Variants in TMEM117 observed in about 807,000 individuals in gnomAD.
TMEM117 encodes the protein transmembrane protein 117.
In TMEM117, 27 loss-of-function variants were observed where a neutral mutation model predicts 52.4. That is an observed-to-expected ratio of 0.51 (90% CI 0.38 to 0.71). The LOEUF is 0.71. Among genes scored for constraint, TMEM117 ranks in the 30% least tolerant of loss-of-function variants. TMEM117 has a pLI of 0.00. For missense variants in TMEM117, 556 were observed against 630.5 expected (o/e 0.88, Z 1.26); for synonymous variants, 215 against 206.3 (o/e 1.04, Z -0.36).
chr12:44,017,077 T>C (rs137979371), intron 3 of TMEM117, among the ~76,000 whole-genome samples: 2 of 152,224 alleles, frequency 1.3e-5, no homozygotes, highest in East Asian at 3.9e-4. Flanking sequence ...ACCAAGGAGA[T>C]GGGAAAGGTA....
intron 6 of TMEM117, among the ~76,000 whole-genome samples, chr12:44,302,387 G>A (rs1950852078): frequency 6.6e-6 from 1 of 152,116 alleles, no homozygotes; most frequent in Admixed American, 6.5e-5. Context: ...TTGCTGCTGG[G>A]CATTTGCCCA....
chr12:44,287,712 G>A (rs924355470), intron 5 of TMEM117, among the ~76,000 whole-genome samples: 2 of 152,214 alleles, frequency 1.3e-5, no homozygotes, highest in Admixed American at 1.3e-4. Flanking sequence ...GAAAGGCATT[G>A]CAGTGCAGTG....
At chr12:43,853,952 A>G (rs1327572765) in intron 2 of TMEM117, among the ~76,000 whole-genome samples, 2 of 152,174 alleles carry the variant, frequency 1.3e-5, no homozygotes, top group Admixed American at 6.5e-5. Context: ...GATGGAGACA[A>G]CTCAGCTTTT....
intron 3 of TMEM117, 93 bp from the exon 4 acceptor site, chr12:44,143,432 T>C: frequency 1.2e-6 from 1 of 843,266 alleles, no homozygotes; most frequent in Non-Finnish European, 1.8e-6. Context: ...TTGCTGAGAA[T>C]GGGAGAAGTC....
chr12:43,899,633 T>C (rs1251579815), intron 2 of TMEM117, among the ~76,000 whole-genome samples: 1 of 54,786 alleles, frequency 1.8e-5, no homozygotes, highest in Non-Finnish European at 7.9e-5. Flanking sequence ...TTCCCTAAAT[T>C]TTTATTTTTT....
At position 44,353,177 on chromosome 12, in the gene TMEM117, T is replaced by C. The variant is rs561187159; in HGVS notation, c.769-23418T>C. Among the ~76,000 whole-genome samples, 14 of 152,292 alleles carry C rather than the reference T, an allele frequency of 9.2e-5. No individual in the cohort carries two copies. The South Asian group carries it at 2.9e-3, about 32-fold the overall frequency. On this transcript the variant is annotated intron_variant, in intron 6 of 7. Transcript: ENST00000266534. The stretch of plus-strand genomic sequence containing the variant: ...TTTCTTGTAAATTTGTTTGAGTTCA[T>C]TGTAGATTCTGGATATTAGCCCTTT...
intron 3 of TMEM117, among the ~76,000 whole-genome samples, chr12:44,127,914 G>C (rs917436532): frequency 6.6e-6 from 1 of 152,184 alleles, no homozygotes; most frequent in African/African-American, 2.4e-5. Context: ...ATGTCTGTCT[G>C]TCTGTCTATC....
At chr12:43,855,423 A>G (rs1432584200) in intron 2 of TMEM117, among the ~76,000 whole-genome samples, 1 of 152,146 alleles carries the variant, frequency 6.6e-6, no homozygotes, top group Non-Finnish European at 1.5e-5. Context: ...GCTTACCCCA[A>G]GATAGCCAGC....
In TMEM117 at chr12:44,179,904, G is replaced by A. The variant is rs1434844062; in HGVS notation, c.511-31386G>A. Among the ~76,000 whole-genome samples the A allele has an allele frequency of 4.6e-5, 7 of 152,198 alleles. No homozygotes were observed. The South Asian group carries it at 1.4e-3, about 32-fold the overall frequency. On this transcript the variant is annotated intron_variant, in intron 4 of 7. Coordinates refer to ENST00000266534, the MANE Select transcript of TMEM117 (RefSeq NM_032256.3). The stretch of plus-strand genomic sequence containing the variant: ...TCATTGTGGGCTGTCCTGGTTGGCA[G>A]ATGGCTTTCTTCCATGTTGTGATTC...
At chr12:44,370,362 G>A (rs1165769707) in intron 6 of TMEM117, among the ~76,000 whole-genome samples, 2 of 151,816 alleles carry the variant, frequency 1.3e-5, no homozygotes, top group Admixed American at 1.3e-4. Flanking sequence ...AGTTTATAGG[G>A]AAAAAAATAA....
intron 2 of TMEM117, among the ~76,000 whole-genome samples, chr12:43,878,767 A>G (rs999224495): frequency 1.3e-5 from 2 of 152,236 alleles, no homozygotes; most frequent in African/African-American, 4.8e-5. Context: ...AAACTTGGAG[A>G]ACAAAAGTGA....
At chr12:44,396,967 T>C in the TMEM117 span, among the ~76,000 whole-genome samples, 2 of 152,178 alleles carry the variant, frequency 1.3e-5, no homozygotes, top group African/African-American at 4.8e-5. Context: ...AGTCAAATCC[T>C]TTCAGTTAAG....
chr12:44,313,996 CCTTTGGCAGAGG>C lies in TMEM117; in HGVS notation c.768+14262_768+14273del, dbSNP rs531207668. On this transcript the variant is annotated intron_variant, in intron 6 of 7. Coordinates refer to ENST00000266534, the MANE Select transcript of TMEM117 (RefSeq NM_032256.3). Reference sequence around the variant, plus strand: ...TAAAGTTGTTTATCTGGTCTAGGAGCCTTTGGCAGAGGCTTTAGGGTTTTCTAGGCATAGAAT... The same window carrying C: ...TAAAGTTGTTTATCTGGTCTAGGAGCCTTTAGGGTTTTCTAGGCATAGAAT... Among the ~76,000 whole-genome samples the C allele has an allele frequency of 1.0e-3, 157 of 152,184 alleles. 1 individual carries two copies. The highest frequency in any genetic ancestry group is 3.6e-3 in the African/African-American group (150 of 41,524).
chr12:44,022,170 G>A (rs1043315543), intron 3 of TMEM117, among the ~76,000 whole-genome samples: 18 of 152,160 alleles, frequency 1.2e-4, no homozygotes, highest in Admixed American at 9.8e-4. Flanking sequence ...AGGACTTAAA[G>A]TCAGAAGCCT....
intron 1 of TMEM117, among the ~76,000 whole-genome samples, chr12:43,839,308 T>G (rs1295262436): frequency 1.3e-5 from 2 of 152,108 alleles, no homozygotes; most frequent in Non-Finnish European, 2.9e-5. Context: ...CCTGTCCCAC[T>G]CAGGGTGAAA....
chr12:44,353,992 C>G (rs1319443135), intron 6 of TMEM117, among the ~76,000 whole-genome samples: 3 of 152,130 alleles, frequency 2.0e-5, no homozygotes, highest in Admixed American at 6.6e-5. Flanking sequence ...GTTTGTAGTT[C>G]TCCTTGAAGA....
intron 6 of TMEM117, among the ~76,000 whole-genome samples, chr12:44,337,781 A>T (rs1951360978): frequency 6.6e-6 from 1 of 152,126 alleles, no homozygotes; most frequent in Non-Finnish European, 1.5e-5. Context: ...CATAGTCAGT[A>T]GTTCAAAGTA....
chr12:43,962,904 G>T (rs1375555886), intron 3 of TMEM117, among the ~76,000 whole-genome samples: 1 of 151,756 alleles, frequency 6.6e-6, no homozygotes, highest in Non-Finnish European at 1.5e-5. Flanking sequence ...CTCCAGCCTG[G>T]GTGACAGAGC....
chr12:44,264,870 C>T (rs990041134), intron 5 of TMEM117, among the ~76,000 whole-genome samples: 1 of 152,008 alleles, frequency 6.6e-6, no homozygotes, highest in Non-Finnish European at 1.5e-5. Context: ...AAGTTTTAAG[C>T]ATTCTATAAA....
Sources: allele counts gnomAD v4.1 joint callset (sites outside exome capture counted in the v4.1 genomes callset), GRCh38; gene constraint gnomAD v4.1.1; transcripts MANE v1.5; gene names NCBI Gene and HGNC (gene_info 2026-07-23, HGNC 2026-07-21).